Variants in MLIP observed in about 807,000 individuals in gnomAD.
MLIP encodes muscular LMNA interacting protein.
A neutral mutation model predicts 84.8 loss-of-function variants in MLIP; 79 were observed. That is an observed-to-expected ratio of 0.93 (90% CI 0.78 to 1.12). The LOEUF is 1.12. Among genes scored for constraint, MLIP ranks in the 50% most tolerant of loss-of-function variants. The pLI is 0.00. For synonymous variants in MLIP, 504 were observed against 463.0 expected (o/e 1.09, Z -1.14); for missense variants, 1,257 against 1,160.6 (o/e 1.08, Z -1.21).
At chr6:54,226,573 A>T (rs1053777023) in intron 11 of MLIP, among the ~76,000 whole-genome samples, 1 of 151,536 alleles carries the variant, frequency 6.6e-6, no homozygotes, top group African/African-American at 2.4e-5. Context: ...ATACCCGAGG[A>T]AGACCTCCAA....
chr6:54,266,217 A>T lies in MLIP; in HGVS notation c.*262A>T. 4.8e-6 allele frequency: 2 copies of T among 413,112 alleles called. No individual in the cohort carries two copies. The highest frequency in any genetic ancestry group is 6.2e-5 in the South Asian group (1 of 16,124). 25.6% of individuals were successfully genotyped at this position (413,112 alleles called of 1,614,324 possible). A position where few individuals can be genotyped will look rare whatever the true frequency, so the allele number is the denominator to read the frequency against. ...ATGCCTTCTACTTAATATTAAGCTG[A>T]CCGCAATACTAACGTGCCCCTATAT... On this transcript the variant is annotated 3_prime_UTR_variant, in exon 14 of 14. Transcript: ENST00000502396.
chr6:54,045,374 G>T (rs1396424721), intron 1 of MLIP: 1 of 152,002 alleles, frequency 6.6e-6, no homozygotes, highest in Middle Eastern at 3.2e-3. Flanking sequence ...CATGAGGAAT[G>T]GTGATGCACC....
chr6:54,255,568 G>A (rs1362990041), intron 12 of MLIP, among the ~76,000 whole-genome samples: 1 of 152,012 alleles, frequency 6.6e-6, no homozygotes, highest in African/African-American at 2.4e-5. Flanking sequence ...AATGATTTGA[G>A]GATTACCAAT....
chr6:54,133,848 G>T (rs1424188594), intron 3 of MLIP, among the ~76,000 whole-genome samples: 1 of 152,166 alleles, frequency 6.6e-6, no homozygotes, highest in African/African-American at 2.4e-5. Context: ...TAGGAGAAGA[G>T]AGTTTTGAAA....
At chr6:54,213,700 T>C (rs1779621078) in intron 11 of MLIP, among the ~76,000 whole-genome samples, 1 of 85,400 alleles carries the variant, frequency 1.2e-5, no homozygotes, top group Admixed American at 1.9e-4. Flanking sequence ...GGAGTGAGAC[T>C]TTGTCTCAAA....
intron 11 of MLIP, among the ~76,000 whole-genome samples, chr6:54,227,530 G>A (rs532005558): frequency 2.0e-5 from 3 of 152,154 alleles, no homozygotes; most frequent in African/African-American, 4.8e-5. Context: ...ACGCCAAAGC[G>A]CATACTGGGG....
intron 11 of MLIP, among the ~76,000 whole-genome samples, chr6:54,214,578 C>A (rs1395327501): frequency 6.6e-6 from 1 of 152,160 alleles, no homozygotes; most frequent in African/African-American, 2.4e-5. Context: ...TAATTATGTT[C>A]TTTTCCAGAG....
intron 4 of MLIP, among the ~76,000 whole-genome samples, chr6:54,145,772 T>G (rs938520235): frequency 1.3e-4 from 18 of 143,124 alleles, no homozygotes; most frequent in African/African-American, 2.9e-4. Context: ...AAAGACTCTG[T>G]CCCCCACCAC....
At chr6:54,034,014 G>A (rs774771485) in intron 1 of MLIP, among the ~76,000 whole-genome samples, 12 of 152,088 alleles carry the variant, frequency 7.9e-5, no homozygotes, top group Non-Finnish European at 1.0e-4. Context: ...TGGATTACAC[G>A]TTAAAATGTC....
At chr6:54,222,403 T>C (rs1054572712) in intron 11 of MLIP, among the ~76,000 whole-genome samples, 2 of 152,048 alleles carry the variant, frequency 1.3e-5, no homozygotes, top group Non-Finnish European at 2.9e-5. Flanking sequence ...GTAATCACTA[T>C]TCTACTCTCT....
intron 11 of MLIP, 35 bp downstream of exon 11, chr6:54,202,268 GATAAAT>G (rs1370671760): frequency 1.3e-5 from 14 of 1,119,762 alleles, no homozygotes; most frequent in Non-Finnish European, 1.6e-5. Flanking sequence ...TTGCTATTTT[GATAAAT>G]ATAAATATAT....
chr6:54,035,596 G>A (rs936109881), intron 1 of MLIP, among the ~76,000 whole-genome samples: 3 of 151,946 alleles, frequency 2.0e-5, no homozygotes, highest in Non-Finnish European at 2.9e-5. Context: ...CAATGTATGA[G>A]TGTCACAGTT....
At chr6:54,101,742 C>A (rs1264798434) in intron 1 of MLIP, among the ~76,000 whole-genome samples, 1 of 152,086 alleles carries the variant, frequency 6.6e-6, no homozygotes, top group East Asian at 1.9e-4. Context: ...GTTGTACTAT[C>A]CATATTGAAA....
At chr6:54,112,345 T>A (rs1014974197) in intron 1 of MLIP, among the ~76,000 whole-genome samples, 1 of 152,238 alleles carries the variant, frequency 6.6e-6, no homozygotes, top group Non-Finnish European at 1.5e-5. Context: ...TTTATCTGAA[T>A]GTTGCATTGC....
intron 5 of MLIP, 82 bp from the exon 6 acceptor site, chr6:54,160,285 A>T: frequency 9.1e-7 from 1 of 1,095,234 alleles, no homozygotes; most frequent in Non-Finnish European, 1.4e-6. Flanking sequence ...ATTAATACAT[A>T]CAAGGCTTTC....
intron 12 of MLIP, among the ~76,000 whole-genome samples, chr6:54,248,580 A>G (rs1417685129): frequency 6.6e-6 from 1 of 152,178 alleles, no homozygotes; most frequent in Non-Finnish European, 1.5e-5. Flanking sequence ...TAGGCTGGAC[A>G]TACAATAATG....
intron 1 of MLIP, chr6:54,030,781 G>A (rs1420741978): frequency 6.6e-6 from 1 of 152,110 alleles, no homozygotes; most frequent in Non-Finnish European, 1.5e-5. Flanking sequence ...AGTATAATAT[G>A]TATGGAGACC....
At chr6:54,118,768 T>C (rs1458639614) in intron 1 of MLIP, among the ~76,000 whole-genome samples, 1 of 151,968 alleles carries the variant, frequency 6.6e-6, no homozygotes, top group Non-Finnish European at 1.5e-5. Context: ...ATTATACATC[T>C]GATAAAGGGT....
intron 11 of MLIP, among the ~76,000 whole-genome samples, chr6:54,226,076 C>A (rs912761681): frequency 4.6e-5 from 7 of 152,086 alleles, no homozygotes; most frequent in Non-Finnish European, 8.8e-5. Flanking sequence ...TGCTTGATAC[C>A]TCTGAAAGGA....
Sources: gnomAD v4.1 joint callset for allele counts (sites outside exome capture counted in the v4.1 genomes callset) on GRCh38, gnomAD v4.1.1 for gene constraint, MANE v1.5 for transcripts, NCBI Gene and HGNC (gene_info 2026-07-23, HGNC 2026-07-21) for gene names.